The following GLDC variants were observed in gnomAD, a reference collection of about 807,000 sequenced individuals.
GLDC encodes glycine dehydrogenase (decarboxylating), mitochondrial.
A neutral mutation model predicts 121.3 loss-of-function variants in GLDC; 104 were observed. That is an observed-to-expected ratio of 0.86 (90% CI 0.73 to 1.01). The LOEUF (loss-of-function observed/expected upper bound fraction) is 1.01. Among genes scored for constraint, GLDC ranks in the 50% least tolerant of loss-of-function variants. The pLI, the probability that GLDC is intolerant of heterozygous loss-of-function variation, is 0.00. For synonymous variants in GLDC, 546 were observed against 480.6 expected (o/e 1.14, Z -1.78); for missense variants, 1,429 against 1,306.6 (o/e 1.09, Z -1.44).
At chr9:6,576,265 G>A (rs1818062463) in intron 15 of GLDC, among the ~76,000 whole-genome samples, 2 of 152,160 alleles carry the variant, frequency 1.3e-5, no homozygotes. Flanking sequence ...TTAGTGTCTA[G>A]TGAGGGCGCA....
At chr9:6,559,677 T>A (rs141843496) in intron 16 of GLDC, among the ~76,000 whole-genome samples, 79 of 151,776 alleles carry the variant, frequency 5.2e-4, no homozygotes, top group African/African-American at 1.9e-3. Flanking sequence ...TAGCCAGGTG[T>A]GGTGACGCAC....
At chr9:6,589,345 G>A in intron 11 of GLDC, 53 bp from the exon 12 acceptor site, 1 of 1,089,984 alleles carries the variant, frequency 9.2e-7, no homozygotes. Context: ...GGAGCCACAT[G>A]TGGACATCCA....
chr9:6,640,327 A>T (rs1036854990), intron 2 of GLDC, among the ~76,000 whole-genome samples: 2 of 152,232 alleles, frequency 1.3e-5, no homozygotes, highest in Non-Finnish European at 2.9e-5. Context: ...CTTGTCACAG[A>T]CTGCGGGGCC....
intron 2 of GLDC, among the ~76,000 whole-genome samples, chr9:6,629,959 T>TATATATATA (rs1449751329): frequency 8.9e-5 from 5 of 55,866 alleles, no homozygotes; most frequent in African/African-American, 7.5e-4. Flanking sequence ...ATATATATAT[T>TATATATATA]TTTTTTTTTT....
intron 11 of GLDC, 50 bp downstream of exon 11, chr9:6,592,093 T>A (rs1563850950): frequency 8.8e-7 from 1 of 1,136,152 alleles, no homozygotes; most frequent in Admixed American, 1.7e-5. Flanking sequence ...CTACTTTTGC[T>A]ACCACCTCCA....
At position 6,608,375 on chromosome 9, in the gene GLDC, T is replaced by C. The variant is rs1218504906; in HGVS notation, c.636-1706A>G. Among the ~76,000 whole-genome samples the C allele has an allele frequency of 6.5e-4, 95 of 147,162 alleles. 1 individual carries two copies. The highest frequency in any genetic ancestry group is 2.5e-4 in the Non-Finnish European group (17 of 67,072). ...AGGCGGAGCTTGCAGTGAGCCGAGA[T>C]AGCGCCAGTGCACTCCAGCCTGAGT... On this transcript the variant is annotated intron_variant, in intron 4 of 24. Transcript: ENST00000321612.
chr9:6,609,495 G>A (rs1818805447), intron 4 of GLDC, among the ~76,000 whole-genome samples: 1 of 152,028 alleles, frequency 6.6e-6, no homozygotes, highest in Non-Finnish European at 1.5e-5. Flanking sequence ...AGACCCTCAT[G>A]CCTTTACACT....
chr9:6,624,960 C>A (rs182752136), intron 2 of GLDC, among the ~76,000 whole-genome samples: 32 of 151,106 alleles, frequency 2.1e-4, no homozygotes, highest in African/African-American at 7.5e-4. Flanking sequence ...TGCACTCCAA[C>A]CGGGGCAACA....
rs1341409858 is a variant in GLDC, at chr9:6,540,133, A to G, written c.2583T>C (p.His861=). 2 of 1,609,314 alleles carry G rather than the reference A, an allele frequency of 1.2e-6. No homozygotes were observed. Among genetic ancestry groups the G allele is most frequent in the East Asian group, 2.2e-5 (1 of 44,862 alleles). Reference sequence around the variant, plus strand: ...AGGGTCTCGTGTCCAAAATAAATTCATGACCCACATAACCTGTTCAGGAAA... The same window carrying G: ...AGGGTCTCGTGTCCAAAATAAATTCGTGACCCACATAACCTGTTCAGGAAA... ...LFRGARGYVG[H]EFILDTRPFK... The change falls in exon 22 of 25, where the codon CAT becomes CAC. Residue 861 remains histidine (H), a synonymous_variant. Transcript: ENST00000321612.
chr9:6,642,011 A>T (rs1445123137), intron 2 of GLDC, among the ~76,000 whole-genome samples: 1 of 152,158 alleles, frequency 6.6e-6, no homozygotes, highest in East Asian at 1.9e-4. Context: ...GAGAATATTC[A>T]TTCACCATGA....
At chr9:6,639,362 A>C (rs1372433735) in intron 2 of GLDC, 1 of 934,814 alleles carries the variant, frequency 1.1e-6, no homozygotes, top group East Asian at 2.4e-5. Context: ...CTTGACCACT[A>C]TGCTATCATC....
Position 6,592,962 on chromosome 9 carries a change from C to G in GLDC, c.1290G>C (p.Gln430His), listed in dbSNP as rs1408480389. The G allele has an allele frequency of 6.2e-7, 1 of 1,612,574 alleles. No homozygotes were observed. The highest frequency in any genetic ancestry group is 1.3e-5 in the African/African-American group (1 of 74,540). The change falls in exon 10 of 25, where the codon CAG (glutamine) becomes CAC (histidine). Residue 430 changes from glutamine to histidine, a missense_variant. By Grantham distance (24) the Gln-to-His change is conservative. Coordinates refer to ENST00000321612, the MANE Select transcript of GLDC (RefSeq NM_000170.3). ...TCAAGGTATCAAAGAACAGGTCATG[C>G]TGGAGTTGATGCCCTGCTCGCTTGA... Reference protein sequence around the residue: ...EGLKRAGHQLQHDLFFDTLKI... With the variant: ...EGLKRAGHQLHHDLFFDTLKI...
Position 6,532,685 on chromosome 9 carries a change from A to G in GLDC, c.*332T>C, listed in dbSNP as rs1043995999. ...ACTCTTTTGGAACAAAAAAATGTCT[A>G]TTAAGTCTCCAGGATAGCCTCTATG... On this transcript the variant is annotated 3_prime_UTR_variant, in exon 25 of 25. Transcript: ENST00000321612. 10 of 329,684 alleles carry G rather than the reference A, an allele frequency of 3.0e-5. No individual in the cohort carries two copies. Among genetic ancestry groups the G allele is most frequent in the Non-Finnish European group, 5.8e-5 (10 of 171,702 alleles). 20.4% of individuals were successfully genotyped at this position (329,684 alleles called of 1,614,324 possible). A position where few individuals can be genotyped will look rare whatever the true frequency, so the allele number is the denominator to read the frequency against.
intron 2 of GLDC, among the ~76,000 whole-genome samples, chr9:6,642,384 A>G (rs1819647514): frequency 6.6e-6 from 1 of 151,964 alleles, no homozygotes; most frequent in South Asian, 2.1e-4. Flanking sequence ...ACAAAAAATT[A>G]GCCGGGCATG....
intron 5 of GLDC, among the ~76,000 whole-genome samples, chr9:6,605,691 G>C (rs1818715877): frequency 6.6e-6 from 1 of 152,176 alleles, no homozygotes; most frequent in Non-Finnish European, 1.5e-5. Context: ...AACTAATAAT[G>C]CCAATTATAT....
intron 15 of GLDC, among the ~76,000 whole-genome samples, chr9:6,580,032 C>A (rs1818144370): frequency 2.0e-5 from 3 of 152,206 alleles, no homozygotes; most frequent in African/African-American, 7.2e-5. Flanking sequence ...CTAGAATCCA[C>A]ACAGTCTCAG....
chr9:6,609,105 G>A (rs547834978), intron 4 of GLDC, among the ~76,000 whole-genome samples: 10 of 152,276 alleles, frequency 6.6e-5, no homozygotes, highest in South Asian at 2.1e-4. Flanking sequence ...GCATGTGTGC[G>A]TCTTTCCCAA....
Position 6,615,671 on chromosome 9 carries a change from T to A in GLDC, c.470+4513A>T, listed in dbSNP as rs569219536. Among the ~76,000 whole-genome samples, 447 of 148,676 alleles carry A rather than the reference T, an allele frequency of 3.0e-3. 2 individuals carry two copies. Among genetic ancestry groups the A allele is most frequent in the African/African-American group, 0.011 (428 of 40,504 alleles). ...TGTCACCCAGGCTGGAGTGCAGTGG[T>A]GCAATCTCCACTCACTGCAGTCTCC... On this transcript the variant is annotated intron_variant, in intron 3 of 24. Transcript: ENST00000321612.
At chr9:6,551,356 C>G (rs1270620944) in intron 20 of GLDC, among the ~76,000 whole-genome samples, 2 of 152,118 alleles carry the variant, frequency 1.3e-5, no homozygotes, top group Non-Finnish European at 1.5e-5. Flanking sequence ...CCCATTGTCC[C>G]TAGTAGAGGC....
Sources: allele counts gnomAD v4.1 joint callset (sites outside exome capture counted in the v4.1 genomes callset), GRCh38; gene constraint gnomAD v4.1.1; transcripts MANE v1.5; gene names NCBI Gene and HGNC (gene_info 2026-07-23, HGNC 2026-07-21).